APP: variants seen among roughly 807,000 people sequenced by gnomAD.
APP encodes amyloid-beta precursor protein.
In APP, 31 loss-of-function variants were observed where a neutral mutation model predicts 101.4. The observed-to-expected ratio is 0.31, with a 90% CI of 0.23 to 0.41. The LOEUF is 0.41. Among genes scored for constraint, APP ranks in the 10% least tolerant of loss-of-function variants. The pLI is 1.00. For synonymous variants in APP, 366 were observed against 364.4 expected, an observed-to-expected ratio of 1.00 and a Z score of -0.05; for missense variants, 839 against 1,003.7, an observed-to-expected ratio of 0.84 and a Z score of 2.22.
intron 1 of APP, among the ~76,000 whole-genome samples, chr21:26,112,587 A>G (rs2062353891): frequency 6.6e-6 from 1 of 152,244 alleles, no homozygotes; most frequent in Admixed American, 6.5e-5. Context: ...ACTGAAAATA[A>G]TATTTGTGCC....
intron 13 of APP, among the ~76,000 whole-genome samples, chr21:25,948,369 C>T (rs1430416281): frequency 2.0e-5 from 3 of 152,090 alleles, no homozygotes; most frequent in Non-Finnish European, 4.4e-5. Flanking sequence ...AATAACCATG[C>T]TGCATTTTTC....
At position 26,101,095 on chromosome 21, in the gene APP, C is replaced by CTT. The variant is rs35407047; in HGVS notation, c.225+10882_225+10883dup. ...GTTTCAAGTTATCTCTTTTTTTTTCCTTTTTTTTTTTTTTTTTTTTTTTGG... is the reference window on the plus strand; with the variant it reads ...GTTTCAAGTTATCTCTTTTTTTTTCCTTTTTTTTTTTTTTTTTTTTTTTTTGG... On this transcript the variant is annotated intron_variant, in intron 2 of 17. Coordinates refer to ENST00000346798, the MANE Select transcript of APP (RefSeq NM_000484.4). 4.0e-3 allele frequency among the ~76,000 whole-genome samples: 321 copies of CTT among 79,266 alleles called. 1 individual carries two copies. Among genetic ancestry groups the CTT allele is most frequent in the Middle Eastern group, 0.011 (1 of 92 alleles). The allele number at this position is 79,266 out of a possible 152,430, so 52.0% of individuals were successfully genotyped here. A position where few individuals can be genotyped will look rare whatever the true frequency, so the allele number is the denominator to read the frequency against.
At chr21:25,942,011 T>C (rs1340571106) in intron 13 of APP, 1 of 152,216 alleles carries the variant, frequency 6.6e-6, no homozygotes, top group Admixed American at 6.5e-5. Context: ...GCATGGTTCA[T>C]GGGCTGGCTT....
chr21:25,972,573 G>A (rs1957109927), intron 11 of APP, among the ~76,000 whole-genome samples: 1 of 151,912 alleles, frequency 6.6e-6, no homozygotes, highest in Non-Finnish European at 1.5e-5. Flanking sequence ...GATGCCCTTT[G>A]TCACCCAGAT....
chr21:25,946,182 C>A (rs45535135), intron 13 of APP, among the ~76,000 whole-genome samples: 1 of 152,032 alleles, frequency 6.6e-6, no homozygotes, highest in South Asian at 2.1e-4. Flanking sequence ...TTCCTAGATA[C>A]CATACCATAG....
intron 1 of APP, among the ~76,000 whole-genome samples, chr21:26,126,701 T>C (rs1330076040): frequency 6.6e-6 from 1 of 152,058 alleles, no homozygotes; most frequent in Admixed American, 6.6e-5. Context: ...GCCTCCGCTG[T>C]AGGCCCTCCC....
chr21:25,909,437 A>G (rs1315090963), intron 14 of APP, among the ~76,000 whole-genome samples: 3 of 152,162 alleles, frequency 2.0e-5, no homozygotes, highest in Non-Finnish European at 4.4e-5. Context: ...CTACTGTTCA[A>G]ACAGAATCAT....
intron 3 of APP, among the ~76,000 whole-genome samples, chr21:26,065,620 C>A (rs1195042694): frequency 6.6e-6 from 1 of 152,120 alleles, no homozygotes; most frequent in East Asian, 1.9e-4. Flanking sequence ...TTGCACAAAG[C>A]TAATGACAGA....
intron 17 of APP, among the ~76,000 whole-genome samples, chr21:25,883,458 A>G (rs1355503568): frequency 1.3e-5 from 2 of 151,312 alleles, no homozygotes; most frequent in Non-Finnish European, 2.9e-5. Context: ...TTGGGAGGCC[A>G]AGGCGGGTGG....
intron 3 of APP, among the ~76,000 whole-genome samples, chr21:26,063,011 G>A (rs187883225): frequency 1.9e-4 from 29 of 152,234 alleles, no homozygotes; most frequent in African/African-American, 6.3e-4. Flanking sequence ...CAATCCACCT[G>A]CCTCAGCCTC....
chr21:25,902,209 A>G (rs2038537140), intron 15 of APP, among the ~76,000 whole-genome samples: 1 of 152,218 alleles, frequency 6.6e-6, no homozygotes, highest in Non-Finnish European at 1.5e-5. Context: ...GTTTCTGAGG[A>G]CAACAGTGAT....
chr21:25,904,479 A>G (rs1028097642), intron 15 of APP, among the ~76,000 whole-genome samples: 2 of 152,236 alleles, frequency 1.3e-5, no homozygotes, highest in African/African-American at 4.8e-5. Context: ...ATAAGTACAT[A>G]CAACCCACAA....
intron 7 of APP, among the ~76,000 whole-genome samples, chr21:25,999,607 G>A (rs2146676118): frequency 6.6e-6 from 1 of 152,350 alleles, no homozygotes; most frequent in South Asian, 2.1e-4. Flanking sequence ...TCCAGTGGTA[G>A]ACAGTATCTG....
intron 8 of APP, among the ~76,000 whole-genome samples, chr21:25,995,419 C>CG (rs2043014191): frequency 2.1e-5 from 3 of 141,680 alleles, no homozygotes; most frequent in Admixed American, 7.3e-5. Flanking sequence ...AATGTCAGAA[C>CG]CAATGCTTAG....
intron 9 of APP, among the ~76,000 whole-genome samples, chr21:25,978,213 T>A (rs1458112302): frequency 6.6e-6 from 1 of 152,210 alleles, no homozygotes; most frequent in African/African-American, 2.4e-5. Context: ...AACAATATCC[T>A]ATACCCCCAC....
chr21:26,112,651 T>C (rs2830058), intron 1 of APP, among the ~76,000 whole-genome samples: 14,500 of 152,236 alleles, frequency 0.095, 883 homozygotes, highest in Admixed American at 0.15. Flanking sequence ...GTGACTGTAT[T>C]ATGATTTTGA....
intron 1 of APP, chr21:26,169,141 A>T (rs2063682769): frequency 6.6e-6 from 1 of 152,224 alleles, no homozygotes; most frequent in Non-Finnish European, 1.5e-5. Context: ...CTTCAGATGT[A>T]AAGAAAAACA....
At chr21:25,986,819 T>C (rs2042656605) in intron 8 of APP, among the ~76,000 whole-genome samples, 1 of 152,232 alleles carries the variant, frequency 6.6e-6, no homozygotes, top group Admixed American at 6.5e-5. Flanking sequence ...CAGCCTCTTT[T>C]CATCAGAGCC....
At chr21:26,005,714 T>C (rs1328737910) in intron 6 of APP, among the ~76,000 whole-genome samples, 2 of 152,206 alleles carry the variant, frequency 1.3e-5, no homozygotes, top group Non-Finnish European at 2.9e-5. Context: ...TATGTTTACA[T>C]TTTCTATTTT....
Sources: allele counts gnomAD v4.1 joint callset (sites outside exome capture counted in the v4.1 genomes callset), GRCh38; gene constraint gnomAD v4.1.1; transcripts MANE v1.5; gene names NCBI Gene and HGNC (gene_info 2026-07-23, HGNC 2026-07-21).